The following FOXN3 variants were observed in gnomAD, a reference collection of about 807,000 sequenced individuals.
FOXN3 encodes forkhead box protein N3.
FOXN3 carries 7 observed loss-of-function variants against 38.4 expected under a neutral mutation model. The observed-to-expected ratio is 0.18, with a 90% confidence interval of 0.10 to 0.34. The LOEUF (loss-of-function observed/expected upper bound fraction) is 0.34, where lower values mean the gene tolerates loss of function less well. FOXN3 is among the 10% of genes least tolerant of loss of function. FOXN3 has a pLI of 1.00. For missense variants in FOXN3, 456 were observed against 613.4 expected (o/e 0.74, Z 2.71); for synonymous variants, 230 against 242.2 (o/e 0.95, Z 0.47).
At chr14:89,306,660 C>A (rs1205201626) in intron 3 of FOXN3, among the ~76,000 whole-genome samples, 4 of 152,182 alleles carry the variant, frequency 2.6e-5, no homozygotes, top group African/African-American at 9.7e-5. Flanking sequence ...AGCCACCGCG[C>A]CCGGCCCATT....
At chr14:89,553,964 T>C (rs539491392) in intron 1 of FOXN3, among the ~76,000 whole-genome samples, 17 of 152,156 alleles carry the variant, frequency 1.1e-4, no homozygotes, top group Non-Finnish European at 1.8e-4. Context: ...AAAAAAAAGA[T>C]ACTAATTCCA....
chr14:89,340,045 C>T (rs1036055480), intron 3 of FOXN3, among the ~76,000 whole-genome samples: 1 of 151,894 alleles, frequency 6.6e-6, no homozygotes, highest in Admixed American at 6.6e-5. Flanking sequence ...AAACAAAAAG[C>T]TTTCATTCAG....
chr14:89,318,834 G>A (rs77885606), intron 3 of FOXN3, among the ~76,000 whole-genome samples: 5,667 of 152,274 alleles, frequency 0.037, 221 homozygotes, highest in African/African-American at 0.1. Flanking sequence ...CCGCCGACCC[G>A]ATGCATCTGT....
At chr14:89,386,550 G>A (rs6575059) in intron 2 of FOXN3, among the ~76,000 whole-genome samples, 29,749 of 152,204 alleles carry the variant, frequency 0.2, 3,087 homozygotes, top group South Asian at 0.38. Context: ...GATTAGACAG[G>A]TCAGGTTAAG....
intron 1 of FOXN3, among the ~76,000 whole-genome samples, chr14:89,579,177 G>T (rs1265331791): frequency 5.8e-5 from 7 of 120,106 alleles, no homozygotes; most frequent in Non-Finnish European, 1.2e-4. Context: ...TTTAGACAAG[G>T]TCTCACCCTG....
At chr14:89,452,559 C>T (rs1390232825) in intron 1 of FOXN3, among the ~76,000 whole-genome samples, 1 of 152,176 alleles carries the variant, frequency 6.6e-6, no homozygotes, top group African/African-American at 2.4e-5. Context: ...GGGGAAAGCC[C>T]GTTTTGATGG....
At chr14:89,520,711 C>T (rs1387352370) in intron 1 of FOXN3, among the ~76,000 whole-genome samples, 1 of 152,160 alleles carries the variant, frequency 6.6e-6, no homozygotes, top group Admixed American at 6.6e-5. Context: ...AATCCAGAGT[C>T]TCTACAATGT....
intron 1 of FOXN3, among the ~76,000 whole-genome samples, chr14:89,448,944 CA>C (rs56206718): frequency 8.1e-4 from 118 of 146,226 alleles, no homozygotes; most frequent in Non-Finnish European, 9.2e-4. Context: ...AACACTGTCT[CA>C]AAAAAAAAAA....
rs538309842 is a variant in FOXN3, at chr14:89,423,568, C to T, written c.-14-11078G>A. The stretch of plus-strand genomic sequence containing the variant: ...TATTTTAAATTTATAAATCTTACAA[C>T]TCAATGAGAAAAAAATTATCACTCT... On this transcript the variant is annotated intron_variant, in intron 1 of 6. Coordinates refer to the FOXN3 transcript ENST00000345097. Among the ~76,000 whole-genome samples, 525 of 152,080 alleles carry T rather than the reference C, an allele frequency of 3.5e-3. 4 individuals are homozygous for T. Among genetic ancestry groups the T allele is most frequent in the African/African-American group, 0.012 (491 of 41,482 alleles).
intron 3 of FOXN3, among the ~76,000 whole-genome samples, chr14:89,334,002 A>G (rs1378941387): frequency 1.2e-3 from 47 of 39,960 alleles, no homozygotes; most frequent in African/African-American, 3.4e-3. Flanking sequence ...ATATATATAT[A>G]TATATATGTA....
chr14:89,231,712 G>A (rs1295735158), intron 4 of FOXN3, among the ~76,000 whole-genome samples: 1 of 152,206 alleles, frequency 6.6e-6, no homozygotes, highest in South Asian at 2.1e-4. Flanking sequence ...TGGTACAGCC[G>A]CTCCATGCAA....
At chr14:89,388,959 T>C (rs2140074780) in intron 2 of FOXN3, among the ~76,000 whole-genome samples, 1 of 151,928 alleles carries the variant, frequency 6.6e-6, no homozygotes, top group Non-Finnish European at 1.5e-5. Context: ...AGTCGGGTGA[T>C]CCAGAAACAG....
At chr14:89,602,570 C>T (rs1271918109) in intron 1 of FOXN3, among the ~76,000 whole-genome samples, 3 of 151,982 alleles carry the variant, frequency 2.0e-5, no homozygotes, top group African/African-American at 4.8e-5. Context: ...GATCTCGGCT[C>T]ACTGCAACCT....
chr14:89,269,481 TTTTG>T (rs1886082113), intron 4 of FOXN3, among the ~76,000 whole-genome samples: 1 of 54,106 alleles, frequency 1.8e-5, no homozygotes, highest in Non-Finnish European at 4.0e-5. Flanking sequence ...TTTTGTTTTG[TTTTG>T]TTTTTTTTTT....
intron 2 of FOXN3, among the ~76,000 whole-genome samples, chr14:89,405,425 C>T (rs1566643181): frequency 2.0e-5 from 3 of 152,166 alleles, no homozygotes; most frequent in Admixed American, 6.5e-5. Context: ...CGTGAGCCAC[C>T]ACACCTGGGT....
chr14:89,482,908 T>A (rs143616336), intron 1 of FOXN3, among the ~76,000 whole-genome samples: 12 of 48,314 alleles, frequency 2.5e-4, no homozygotes, highest in African/African-American at 8.9e-4. Flanking sequence ...AGACCCTGTA[T>A]GAAAAAAAAA....
At chr14:89,239,423 G>A (rs778783458) in intron 4 of FOXN3, among the ~76,000 whole-genome samples, 1 of 152,162 alleles carries the variant, frequency 6.6e-6, no homozygotes, top group South Asian at 2.1e-4. Context: ...TTCAAGTAGA[G>A]TACTTTCAAG....
intron 1 of FOXN3, among the ~76,000 whole-genome samples, chr14:89,438,569 G>T (rs1485680896): frequency 6.6e-6 from 1 of 152,130 alleles, no homozygotes; most frequent in Non-Finnish European, 1.5e-5. Context: ...ATGAAGAAAT[G>T]ATCAGAATAT....
At chr14:89,611,021 C>CTGT (rs1896377247) in intron 1 of FOXN3, among the ~76,000 whole-genome samples, 1 of 152,210 alleles carries the variant, frequency 6.6e-6, no homozygotes, top group East Asian at 1.9e-4. Context: ...ATGTCTACAT[C>CTGT]TGTTCCATTG....
Sources: allele counts gnomAD v4.1 joint callset (sites outside exome capture counted in the v4.1 genomes callset), GRCh38; gene constraint gnomAD v4.1.1; transcripts MANE v1.5; gene names NCBI Gene and HGNC (gene_info 2026-07-23, HGNC 2026-07-21).